Variants in GHR observed in about 807,000 individuals in gnomAD.
GHR encodes GH receptor.
A neutral mutation model predicts 67.1 loss-of-function variants in GHR; 35 were observed. The observed-to-expected ratio is 0.52, with a 90% CI of 0.40 to 0.69. GHR has a LOEUF of 0.69. Ranked by LOEUF, GHR falls within the 30% of genes least tolerant of loss-of-function variation. The probability of loss-of-function intolerance (pLI) is 0.00; values close to 1 mark genes in which losing one functional copy is unlikely to be tolerated. For synonymous variants in GHR, 272 were observed against 269.1 expected, an observed-to-expected ratio of 1.01 and a Z score of -0.10; for missense variants, 792 against 764.6, an observed-to-expected ratio of 1.04 and a Z score of -0.42.
intron 6 of GHR, among the ~76,000 whole-genome samples, chr5:42,703,673 A>T (rs541330886): frequency 4.6e-5 from 7 of 152,158 alleles, no homozygotes; most frequent in African/African-American, 1.4e-4. Flanking sequence ...TAATTCTTCT[A>T]ATCCATGAAC....
chr5:42,440,863 C>T (rs1192340173), intron 1 of GHR, among the ~76,000 whole-genome samples: 2 of 152,136 alleles, frequency 1.3e-5, no homozygotes, highest in East Asian at 1.9e-4. Context: ...ATGGTAAACT[C>T]CAAGGTACTG....
intron 1 of GHR, chr5:42,465,577 A>G (rs776867334): frequency 8.0e-6 from 10 of 1,247,112 alleles, no homozygotes; most frequent in Non-Finnish European, 1.2e-5. Flanking sequence ...AGTCACTGCA[A>G]TTATAAGATA....
intron 8 of GHR, among the ~76,000 whole-genome samples, chr5:42,717,078 G>A (rs1439681630): frequency 2.0e-5 from 3 of 152,288 alleles, no homozygotes; most frequent in Admixed American, 6.5e-5. Flanking sequence ...AGGATGGGGC[G>A]GGAGTATTGC....
At position 42,576,104 on chromosome 5, in the gene GHR, A is replaced by T. The variant is rs796217027; in HGVS notation, c.70+10160A>T. Among the ~76,000 whole-genome samples the T allele has an allele frequency of 5.5e-3, 436 of 79,252 alleles. 3 individuals are homozygous for T. The highest frequency in any genetic ancestry group is 7.2e-3 in the Admixed American group (60 of 8,340). 52.0% of individuals were successfully genotyped at this position (79,252 alleles called of 152,430 possible). On this transcript the variant is annotated intron_variant, in intron 2 of 9. Transcript: ENST00000230882. Reference sequence around the variant, plus strand: ...TAAAATAAAATAAAATAAAATAAATAAAATAAAATAAAATAAAATAAAATA... The same window carrying T: ...TAAAATAAAATAAAATAAAATAAATTAAATAAAATAAAATAAAATAAAATA...
intron 3 of GHR, among the ~76,000 whole-genome samples, chr5:42,682,751 A>T (rs986511201): frequency 3.3e-5 from 5 of 152,230 alleles, no homozygotes; most frequent in Non-Finnish European, 7.3e-5. Flanking sequence ...ACTACTTTTA[A>T]GTTCTGATAT....
At chr5:42,498,535 T>TATAG (rs1399331865) in intron 1 of GHR, among the ~76,000 whole-genome samples, 2 of 152,216 alleles carry the variant, frequency 1.3e-5, no homozygotes, top group Admixed American at 1.3e-4. Flanking sequence ...CTATAAGCAT[T>TATAG]ATAGTCTCAT....
intron 1 of GHR, among the ~76,000 whole-genome samples, chr5:42,523,223 A>G (rs1579865186): frequency 6.6e-6 from 1 of 152,356 alleles, no homozygotes; most frequent in South Asian, 2.1e-4. Flanking sequence ...TAGAAACAAT[A>G]TCTAAGGATG....
intron 2 of GHR, among the ~76,000 whole-genome samples, chr5:42,614,988 G>A (rs1753072073): frequency 6.6e-6 from 1 of 152,062 alleles, no homozygotes; most frequent in African/African-American, 2.4e-5. Flanking sequence ...TGACCCAGTA[G>A]TAGCAAATGG....
At chr5:42,428,909 G>A (rs1742971361) in intron 1 of GHR, among the ~76,000 whole-genome samples, 2 of 152,284 alleles carry the variant, frequency 1.3e-5, no homozygotes, top group Admixed American at 1.3e-4. Context: ...TCTCTAGAAA[G>A]TTCCAAACTT....
intron 1 of GHR, among the ~76,000 whole-genome samples, chr5:42,520,307 C>T (rs1747418377): frequency 6.6e-6 from 1 of 152,080 alleles, no homozygotes; most frequent in Admixed American, 6.6e-5. Flanking sequence ...GAGTTGAAGG[C>T]AGGAGAGGTA....
chr5:42,683,265 G>A (rs1756977563), intron 3 of GHR, among the ~76,000 whole-genome samples: 1 of 152,064 alleles, frequency 6.6e-6, no homozygotes, highest in African/African-American at 2.4e-5. Context: ...CTCCCAAAGT[G>A]CTGGGATTAC....
chr5:42,429,419 T>A (rs1053062743), intron 1 of GHR, among the ~76,000 whole-genome samples: 7 of 152,200 alleles, frequency 4.6e-5, no homozygotes, highest in African/African-American at 1.7e-4. Context: ...TTACTGACTG[T>A]CCCTCCTAAT....
Position 42,441,751 on chromosome 5 carries a change from C to T in GHR, c.-12+17796C>T, listed in dbSNP as rs1216708034. ...GTCTCGATCTCCTGACCTCATGATT[C>T]GCCTGCCTTGGCCTCCCAAAGTGCT... On this transcript the variant is annotated intron_variant, in intron 1 of 9. Transcript: ENST00000230882. Among the ~76,000 whole-genome samples, 8 of 152,230 alleles carry T rather than the reference C, an allele frequency of 5.3e-5. No homozygotes were observed. The East Asian group carries it at 9.7e-4, about 18-fold the overall frequency.
chr5:42,516,754 G>A (rs886988191), intron 1 of GHR, among the ~76,000 whole-genome samples: 8 of 152,120 alleles, frequency 5.3e-5, no homozygotes, highest in African/African-American at 1.9e-4. Context: ...TCAGCAAGAC[G>A]GTTGGAAATT....
At chr5:42,472,800 A>C (rs1166780627) in intron 1 of GHR, among the ~76,000 whole-genome samples, 2 of 152,160 alleles carry the variant, frequency 1.3e-5, no homozygotes, top group Non-Finnish European at 2.9e-5. Context: ...CAAGCTCCTG[A>C]GCTCTAGGGA....
chr5:42,632,497 C>T (rs917408502), intron 3 of GHR, among the ~76,000 whole-genome samples: 1 of 152,214 alleles, frequency 6.6e-6, no homozygotes, highest in African/African-American at 2.4e-5. Flanking sequence ...TTCTCTTGCT[C>T]ACCAAAAACT....
At chr5:42,450,535 G>GT (rs1215055423) in intron 1 of GHR, among the ~76,000 whole-genome samples, 1 of 151,856 alleles carries the variant, frequency 6.6e-6, no homozygotes, top group Non-Finnish European at 1.5e-5. Flanking sequence ...TTCACTAATG[G>GT]TTTTTCAATC....
chr5:42,430,928 G>T (rs946821626), intron 1 of GHR, among the ~76,000 whole-genome samples: 1 of 152,094 alleles, frequency 6.6e-6, no homozygotes, highest in African/African-American at 2.4e-5. Flanking sequence ...TAGTAAATTA[G>T]ATGTCAAGAA....
intron 1 of GHR, among the ~76,000 whole-genome samples, chr5:42,540,339 G>C (rs73751204): frequency 0.027 from 4,154 of 151,938 alleles, 196 homozygotes; most frequent in African/African-American, 0.095. Flanking sequence ...AAAATGCAAA[G>C]GTTTTATTTC....
Sources: allele counts gnomAD v4.1 joint callset (sites outside exome capture counted in the v4.1 genomes callset), GRCh38; gene constraint gnomAD v4.1.1; transcripts MANE v1.5; gene names NCBI Gene and HGNC (gene_info 2026-07-23, HGNC 2026-07-21).